Variants in LRRC4C observed in about 807,000 individuals in gnomAD.
The protein encoded by LRRC4C is leucine rich repeat containing 4C.
Under a neutral mutation model 33.6 loss-of-function variants are expected in LRRC4C, and 5 were observed. That is an observed-to-expected ratio of 0.15 (90% confidence interval 0.08 to 0.31). The LOEUF (loss-of-function observed/expected upper bound fraction) is 0.31, where lower values mean the gene tolerates loss of function less well. Among genes scored for constraint, LRRC4C ranks in the 10% least tolerant of loss-of-function variants. The pLI is 1.00. For missense variants in LRRC4C, 560 were observed against 796.7 expected (o/e 0.70, Z 3.58); for synonymous variants, 329 against 302.0 (o/e 1.09, Z -0.93).
chr11:41,081,688 A>G (rs1281446447), intron 1 of LRRC4C, among the ~76,000 whole-genome samples: 1 of 152,022 alleles, frequency 6.6e-6, no homozygotes, highest in Admixed American at 6.6e-5. Flanking sequence ...ATTCCTACGC[A>G]GAATAAACAA....
At chr11:41,282,260 T>C (rs1031438945) in intron 1 of LRRC4C, among the ~76,000 whole-genome samples, 14 of 152,204 alleles carry the variant, frequency 9.2e-5, no homozygotes, top group Non-Finnish European at 1.0e-4. Flanking sequence ...ACCAGAGTTA[T>C]TTTGAGGTGC....
Position 40,450,519 on chromosome 11 carries a change from A to AT in LRRC4C, c.-269-130799dup, listed in dbSNP as rs963866303. On this transcript the variant is annotated intron_variant, in intron 3 of 6. Transcript: ENST00000528697. ...GACCTTAAATGATTAGCCTAAAATT[A>AT]TTTTTTAAAACTGAAATAAGGGAAC... Among the ~76,000 whole-genome samples, 9 of 152,226 alleles carry AT rather than the reference A, an allele frequency of 5.9e-5. No individual in the cohort carries two copies. The East Asian group carries it at 1.7e-3, about 29-fold the overall frequency.
intron 1 of LRRC4C, among the ~76,000 whole-genome samples, chr11:41,185,937 T>C (rs568760384): frequency 9.2e-5 from 14 of 152,164 alleles, no homozygotes; most frequent in African/African-American, 3.4e-4. Flanking sequence ...AATTATTCAT[T>C]TATGTATATA....
Position 40,307,837 on chromosome 11 carries a change from CTT to C in LRRC4C, c.-176+11789_-176+11790del, listed in dbSNP as rs577338598. ...AAAAGTTAGAGAATACAAAATTAAA[CTT>C]ATCTCCAGATGCTTGTTGAAATAGT... On this transcript the variant is annotated intron_variant, in intron 4 of 6. Transcript: ENST00000528697. 9.2e-5 allele frequency among the ~76,000 whole-genome samples: 14 copies of C among 152,258 alleles called. No individual in the cohort carries two copies. The South Asian group carries it at 2.7e-3, about 29-fold the overall frequency.
chr11:41,002,615 T>G (rs1854466965), intron 1 of LRRC4C, among the ~76,000 whole-genome samples: 1 of 152,196 alleles, frequency 6.6e-6, no homozygotes, highest in Non-Finnish European at 1.5e-5. Context: ...TTACAAATAA[T>G]GGCATTGTAT....
intron 4 of LRRC4C, among the ~76,000 whole-genome samples, chr11:40,252,142 A>G (rs1866833697): frequency 6.6e-6 from 1 of 152,064 alleles, no homozygotes; most frequent in Middle Eastern, 3.2e-3. Flanking sequence ...ATTACTGACC[A>G]TGAATAGGAT....
chr11:40,291,161 C>G (rs7941452), intron 4 of LRRC4C, among the ~76,000 whole-genome samples: 1 of 151,716 alleles, frequency 6.6e-6, no homozygotes, highest in East Asian at 1.9e-4. Flanking sequence ...AGAGGAATAG[C>G]GAAGGGGGAA....
intron 1 of LRRC4C, among the ~76,000 whole-genome samples, chr11:41,396,491 C>T (rs1424944718): frequency 6.6e-6 from 1 of 151,892 alleles, no homozygotes; most frequent in Non-Finnish European, 1.5e-5. Context: ...TTTCTGATCT[C>T]TGCAATATAA....
chr11:40,968,733 A>T (rs1409757404), intron 1 of LRRC4C, among the ~76,000 whole-genome samples: 2 of 152,158 alleles, frequency 1.3e-5, no homozygotes, highest in African/African-American at 2.4e-5. Flanking sequence ...GGAATATTTT[A>T]AGCCCACTTT....
chr11:40,563,526 G>C (rs909944497), intron 3 of LRRC4C, among the ~76,000 whole-genome samples: 1 of 152,148 alleles, frequency 6.6e-6, no homozygotes, highest in South Asian at 2.1e-4. Flanking sequence ...ACAGTTAAAG[G>C]CTAAGTAAGG....
At chr11:40,835,894 T>A (rs1399858959) in intron 2 of LRRC4C, among the ~76,000 whole-genome samples, 1 of 152,196 alleles carries the variant, frequency 6.6e-6, no homozygotes, top group Non-Finnish European at 1.5e-5. Context: ...GTGTTTTCAT[T>A]ACATTGTATC....
chr11:40,482,905 A>G (rs536687359), intron 3 of LRRC4C, among the ~76,000 whole-genome samples: 1 of 152,222 alleles, frequency 6.6e-6, no homozygotes, highest in African/African-American at 2.4e-5. Flanking sequence ...GAGTAAATGT[A>G]CCTTCAATGG....
chr11:41,321,770 C>G (rs542701472), intron 1 of LRRC4C, among the ~76,000 whole-genome samples: 14 of 152,100 alleles, frequency 9.2e-5, no homozygotes, highest in South Asian at 4.1e-4. Flanking sequence ...ACCAGCTATT[C>G]CCAGTTACGA....
chr11:40,682,764 A>ATAAATAAATAAATAAG (rs1565631465), intron 2 of LRRC4C, among the ~76,000 whole-genome samples: 5 of 151,228 alleles, frequency 3.3e-5, no homozygotes, highest in Non-Finnish European at 7.4e-5. Flanking sequence ...AAATAAATAA[A>ATAAATAAATAAATAAG]TAAATAAATA....
At chr11:40,696,031 G>GTA (rs1162887999) in intron 2 of LRRC4C, among the ~76,000 whole-genome samples, 27 of 139,302 alleles carry the variant, frequency 1.9e-4, no homozygotes, top group Admixed American at 9.0e-4. Flanking sequence ...GTGTGTGTGT[G>GTA]TATATATATA....
chr11:40,212,702 C>T (rs540522224), intron 5 of LRRC4C, among the ~76,000 whole-genome samples: 1 of 152,158 alleles, frequency 6.6e-6, no homozygotes, highest in South Asian at 2.1e-4. Flanking sequence ...ACATGAGGGG[C>T]GTACTTCATT....
chr11:40,453,922 T>C (rs898024510), intron 3 of LRRC4C, among the ~76,000 whole-genome samples: 16 of 152,184 alleles, frequency 1.1e-4, no homozygotes, highest in African/African-American at 3.9e-4. Flanking sequence ...GTTACACATT[T>C]TAAATGAGTA....
At chr11:41,105,009 G>A (rs533089784) in intron 1 of LRRC4C, among the ~76,000 whole-genome samples, 352 of 151,894 alleles carry the variant, frequency 2.3e-3, no homozygotes, top group Non-Finnish European at 4.0e-3. Context: ...AAAATTTGGC[G>A]ATGGACATAT....
At chr11:40,853,964 A>C (rs1953640942) in intron 2 of LRRC4C, among the ~76,000 whole-genome samples, 1 of 152,238 alleles carries the variant, frequency 6.6e-6, no homozygotes, top group Non-Finnish European at 1.5e-5. Context: ...CTAAATCATC[A>C]ACTTATCAAC....
Sources: allele counts gnomAD v4.1 joint callset (sites outside exome capture counted in the v4.1 genomes callset), GRCh38; gene constraint gnomAD v4.1.1; transcripts MANE v1.5; gene names NCBI Gene and HGNC (gene_info 2026-07-23, HGNC 2026-07-21).